The following LYZL2 variants were observed in gnomAD, a reference collection of about 807,000 sequenced individuals.
LYZL2 encodes the protein lysozyme like 2.
A neutral mutation model predicts 17.1 loss-of-function variants in LYZL2; 13 were observed. The observed-to-expected ratio is 0.76, with a 90% CI of 0.49 to 1.21. The LOEUF is 1.21. Among genes scored for constraint, LYZL2 ranks in the 50% most tolerant of loss-of-function variants. The probability of loss-of-function intolerance (pLI) is 0.00; values close to 1 mark genes in which losing one functional copy is unlikely to be tolerated. For synonymous variants in LYZL2, 63 were observed against 74.4 expected, an observed-to-expected ratio of 0.85 and a Z score of 0.79; for missense variants, 166 against 189.2, an observed-to-expected ratio of 0.88 and a Z score of 0.72.
intron 3 of LYZL2, among the ~76,000 whole-genome samples, chr10:30,614,643 AT>A (rs896747088): frequency 1.1e-4 from 16 of 150,688 alleles, no homozygotes; most frequent in South Asian, 1.1e-3. Flanking sequence ...TTATGCAAAG[AT>A]TTTTTTTTTA....
intron 3 of LYZL2, among the ~76,000 whole-genome samples, chr10:30,615,014 A>G (rs1365200645): frequency 1.3e-5 from 2 of 152,260 alleles, no homozygotes; most frequent in Non-Finnish European, 2.9e-5. Flanking sequence ...AGGATATTTA[A>G]TAATATGGAG....
chr10:30,628,871 C>A (rs779187310), intron 1 of LYZL2, among the ~76,000 whole-genome samples: 1 of 152,158 alleles, frequency 6.6e-6, no homozygotes, highest in Admixed American at 6.5e-5. Flanking sequence ...AAACCAGGCC[C>A]GCTTTTGTAT....
At chr10:30,624,840 G>T (rs1252524175) in intron 3 of LYZL2, among the ~76,000 whole-genome samples, 2 of 152,258 alleles carry the variant, frequency 1.3e-5, no homozygotes, top group Middle Eastern at 3.4e-3. Context: ...GTCCTTAGAA[G>T]CAGAGAATCT....
downstream of LYZL2, among the ~76,000 whole-genome samples, chr10:30,607,804 C>T (rs1220987684): frequency 6.6e-6 from 1 of 152,084 alleles, no homozygotes; most frequent in Non-Finnish European, 1.5e-5. Flanking sequence ...GACATCATTG[C>T]GTGTAAAGAA....
chr10:30,617,844 G>C lies in LYZL2; in HGVS notation c.299-4944C>G, dbSNP rs555006103. On this transcript the variant is annotated intron_variant, in intron 3 of 4. Transcript: ENST00000647634. ...GGCCAGGGCAATCAGGCAGGAGAAG[G>C]AAATAAAGGGCATTCAATTAGGAAA... is the stretch of plus-strand genomic sequence containing the variant. Among the ~76,000 whole-genome samples the C allele has an allele frequency of 2.0e-3, 309 of 152,008 alleles. 1 individual carries two copies. Among genetic ancestry groups the C allele is most frequent in the Admixed American group, 4.9e-3 (75 of 15,252 alleles).
chr10:30,620,746 T>C (rs1838606668), intron 3 of LYZL2, among the ~76,000 whole-genome samples: 1 of 151,920 alleles, frequency 6.6e-6, no homozygotes, highest in Non-Finnish European at 1.5e-5. Context: ...ATGATTTATA[T>C]CAAGGACTTA....
downstream of LYZL2, among the ~76,000 whole-genome samples, chr10:30,606,958 G>A (rs953599222): frequency 1.0e-4 from 15 of 150,266 alleles, no homozygotes; most frequent in African/African-American, 3.4e-4. Flanking sequence ...CTGTTGCCCA[G>A]GCTGGAATGC....
intron 3 of LYZL2, among the ~76,000 whole-genome samples, chr10:30,619,387 T>C (rs1444979803): frequency 1.3e-5 from 2 of 152,192 alleles, no homozygotes; most frequent in Non-Finnish European, 1.5e-5. Context: ...CGTATGTTTA[T>C]TGCAGCACTA....
At chr10:30,611,570 G>GGAAGGAAGGAAGGAAGGAAGGAAA (rs1491344870), downstream of LYZL2, among the ~76,000 whole-genome samples, 27 of 54,100 alleles carry the variant, frequency 5.0e-4, no homozygotes, top group East Asian at 1.7e-3. Context: ...AAGGAAGGAA[G>GGAAGGAAGGAAGGAAGGAAGGAAA]GAAAGAAAGA....
intron 3 of LYZL2, among the ~76,000 whole-genome samples, chr10:30,623,585 T>A (rs763461646): frequency 1.3e-5 from 2 of 152,144 alleles, no homozygotes; most frequent in African/African-American, 2.4e-5. Flanking sequence ...TGAACTCTAC[T>A]GTGAACTGCG....
chr10:30,613,195 A>G (rs1838472827), intron 3 of LYZL2, among the ~76,000 whole-genome samples: 1 of 152,192 alleles, frequency 6.6e-6, no homozygotes, highest in African/African-American at 2.4e-5. Flanking sequence ...AATGTTCCTT[A>G]TGTCCTACAG....
chr10:30,606,271 G>A, the LYZL2 span, among the ~76,000 whole-genome samples: 1 of 151,776 alleles, frequency 6.6e-6, no homozygotes, highest in Non-Finnish European at 1.5e-5. Context: ...TTATCTTGTC[G>A]AAGTGTCTGC....
downstream of LYZL2, among the ~76,000 whole-genome samples, chr10:30,607,512 T>C (rs972412894): frequency 3.3e-5 from 5 of 152,132 alleles, no homozygotes; most frequent in African/African-American, 1.2e-4. Context: ...GGAGGATCAG[T>C]TTAAACAGAG....
chr10:30,607,465 C>A (rs1256686847), downstream of LYZL2, among the ~76,000 whole-genome samples: 1 of 152,108 alleles, frequency 6.6e-6, no homozygotes, highest in Admixed American at 6.6e-5. Flanking sequence ...TGCTTATTAG[C>A]TTCTGCCCTT....
In LYZL2 at chr10:30,612,039, G is replaced by A. The variant is rs1437195037; in HGVS notation, c.378-15C>T. 1 of 1,613,328 alleles carries A rather than the reference G, an allele frequency of 6.2e-7. No homozygotes were observed. Among genetic ancestry groups the A allele is most frequent in the African/African-American group, 1.3e-5 (1 of 74,876 alleles). ...TCCAGCCTTGCCTGAGGACGAGAGG[G>A]AAGCAAGAGCAGCAGAAAGAAGCGT... On this transcript the variant is annotated splice_polypyrimidine_tract_variant and intron_variant, in intron 4 of 4. Coordinates refer to ENST00000647634, the MANE Select transcript of LYZL2 (RefSeq NM_183058.3).
intron 3 of LYZL2, among the ~76,000 whole-genome samples, chr10:30,622,756 C>G (rs148904168): frequency 6.6e-6 from 1 of 152,098 alleles, no homozygotes; most frequent in Non-Finnish European, 1.5e-5. Context: ...TAGTTGCAAT[C>G]GAAACCATAT....
chr10:30,609,476 G>A (rs903388767), downstream of LYZL2, among the ~76,000 whole-genome samples: 1 of 152,182 alleles, frequency 6.6e-6, no homozygotes, highest in Admixed American at 6.5e-5. Flanking sequence ...AGAGAAAATT[G>A]CAGACCAGAC....
At position 30,612,148 on chromosome 10, in the gene LYZL2, T is replaced by G. The variant is rs1184946710; in HGVS notation, c.378-124A>C. On this transcript the variant is annotated intron_variant, in intron 4 of 4. Transcript: ENST00000647634. ...AACCCTGGGTTGGGTTTCATTTGCT[T>G]CTGAGATCAAAGGACGCTGTCATTT... The G allele has an allele frequency of 4.2e-6, 5 of 1,189,840 alleles. No homozygotes were observed. In the African/African-American group the frequency reaches 7.7e-5, roughly 18 times the overall value. 73.7% of individuals were successfully genotyped at this position (1,189,840 alleles called of 1,614,324 possible).
chr10:30,625,280 T>C (rs1193440454), intron 3 of LYZL2, among the ~76,000 whole-genome samples: 1 of 152,204 alleles, frequency 6.6e-6, no homozygotes, highest in Non-Finnish European at 1.5e-5. Context: ...GTGAATTCAA[T>C]GATATTTTAA....
Sources: gnomAD v4.1 joint callset for allele counts (sites outside exome capture counted in the v4.1 genomes callset) on GRCh38, gnomAD v4.1.1 for gene constraint, MANE v1.5 for transcripts, NCBI Gene and HGNC (gene_info 2026-07-23, HGNC 2026-07-21) for gene names.